Variants in HS6ST3 observed in about 807,000 individuals in gnomAD.
HS6ST3 encodes the protein heparan sulfate 6-O-sulfotransferase 3, also known as heparan-sulfate 6-O-sulfotransferase 3.
A neutral mutation model predicts 36.7 loss-of-function variants in HS6ST3; 12 were observed. The ratio of observed to expected loss-of-function variants is 0.33; its 90% confidence interval spans 0.21 to 0.53. HS6ST3 has a LOEUF of 0.53. HS6ST3 is among the 20% of genes least tolerant of loss of function. The pLI is 0.95. For missense variants in HS6ST3, 584 were observed against 640.9 expected (o/e 0.91, Z 0.96); for synonymous variants, 240 against 257.5 (o/e 0.93, Z 0.65).
chr13:96,114,055 G>A (rs1283564204), intron 1 of HS6ST3, among the ~76,000 whole-genome samples: 3 of 151,986 alleles, frequency 2.0e-5, no homozygotes, highest in Non-Finnish European at 4.4e-5. Flanking sequence ...TATACTTATG[G>A]TCAGGTTCTA....
intron 1 of HS6ST3, among the ~76,000 whole-genome samples, chr13:96,501,257 T>C (rs1173032949): frequency 2.0e-5 from 3 of 152,190 alleles, no homozygotes; most frequent in Non-Finnish European, 2.9e-5. Flanking sequence ...GGGTGTCAAT[T>C]CTTGGAGCAC....
rs545851351 is a variant in HS6ST3, at chr13:96,431,556, A to C, written c.707+339987A>C. Among the ~76,000 whole-genome samples the C allele has an allele frequency of 1.3e-5, 2 of 152,282 alleles. 1 individual carries two copies. Among genetic ancestry groups the C allele is most frequent in the Admixed American group, 1.3e-4 (2 of 15,302 alleles). On this transcript the variant is annotated intron_variant, in intron 1 of 1. Coordinates refer to ENST00000376705, the MANE Select transcript of HS6ST3 (RefSeq NM_153456.4). The stretch of plus-strand genomic sequence containing the variant: ...TTGAGACATTTTTTAGCATCTGTGA[A>C]TTTCATTTTTACATAATGCCATGTG...
At chr13:96,342,128 T>C (rs2055133829) in intron 1 of HS6ST3, among the ~76,000 whole-genome samples, 1 of 152,202 alleles carries the variant, frequency 6.6e-6, no homozygotes, top group Admixed American at 6.5e-5. Flanking sequence ...TAAAGGGATC[T>C]ATGATAAAAA....
chr13:96,440,292 T>A (rs1336346680), intron 1 of HS6ST3, among the ~76,000 whole-genome samples: 2 of 151,860 alleles, frequency 1.3e-5, no homozygotes, highest in Non-Finnish European at 2.9e-5. Flanking sequence ...ACTAAAAATA[T>A]AAAAATTAGC....
intron 1 of HS6ST3, among the ~76,000 whole-genome samples, chr13:96,330,519 C>T (rs1297471421): frequency 6.6e-6 from 1 of 152,012 alleles, no homozygotes; most frequent in Non-Finnish European, 1.5e-5. Context: ...CCCCCACTCT[C>T]TTCTGGCTTG....
At chr13:96,425,498 G>A (rs568575116) in intron 1 of HS6ST3, among the ~76,000 whole-genome samples, 131 of 152,168 alleles carry the variant, frequency 8.6e-4, no homozygotes, top group African/African-American at 1.9e-3. Context: ...GTTTCATGTC[G>A]TTCTTATAAA....
chr13:96,739,219 T>TTGTG (rs3138578), intron 1 of HS6ST3, among the ~76,000 whole-genome samples: 105 of 126,268 alleles, frequency 8.3e-4, no homozygotes, highest in East Asian at 2.1e-3. Context: ...CGACATTTGC[T>TTGTG]TGTGTGTGTG....
intron 1 of HS6ST3, among the ~76,000 whole-genome samples, chr13:96,570,664 G>T (rs1440209906): frequency 6.6e-6 from 1 of 152,194 alleles, no homozygotes; most frequent in Non-Finnish European, 1.5e-5. Flanking sequence ...TATACCCAAT[G>T]GGGGGCAAGA....
chr13:96,218,999 C>G (rs2054441278), intron 1 of HS6ST3, among the ~76,000 whole-genome samples: 1 of 152,096 alleles, frequency 6.6e-6, no homozygotes, highest in South Asian at 2.1e-4. Context: ...TAAGCCATCC[C>G]CTGACAGGGC....
intron 1 of HS6ST3, among the ~76,000 whole-genome samples, chr13:96,282,573 C>T (rs2054780992): frequency 6.6e-6 from 1 of 152,184 alleles, no homozygotes; most frequent in African/African-American, 2.4e-5. Context: ...ATTAAACCTA[C>T]ATCTTTGGCG....
chr13:96,594,068 G>T (rs563594065), intron 1 of HS6ST3, among the ~76,000 whole-genome samples: 1 of 151,950 alleles, frequency 6.6e-6, no homozygotes, highest in Admixed American at 6.6e-5. Flanking sequence ...CGCCTCCTGG[G>T]TTCAAGCAAT....
At chr13:96,345,877 T>C (rs2139428358) in intron 1 of HS6ST3, among the ~76,000 whole-genome samples, 1 of 152,326 alleles carries the variant, frequency 6.6e-6, no homozygotes, top group African/African-American at 2.4e-5. Context: ...TCATAATATC[T>C]TAAGAAAGTT....
intron 1 of HS6ST3, among the ~76,000 whole-genome samples, chr13:96,092,648 T>C (rs1176144090): frequency 1.3e-5 from 2 of 151,954 alleles, no homozygotes; most frequent in Non-Finnish European, 2.9e-5. Flanking sequence ...AAGCTCAAGC[T>C]GATTATGTTG....
At chr13:96,403,286 A>G (rs1395940338) in intron 1 of HS6ST3, among the ~76,000 whole-genome samples, 1 of 152,194 alleles carries the variant, frequency 6.6e-6, no homozygotes, top group Non-Finnish European at 1.5e-5. Flanking sequence ...CAATGAAGTT[A>G]TTTATGTATG....
intron 1 of HS6ST3, among the ~76,000 whole-genome samples, chr13:96,738,430 C>T (rs1876342946): frequency 6.6e-6 from 1 of 151,500 alleles, no homozygotes; most frequent in South Asian, 2.1e-4. Context: ...ATCGATGATG[C>T]TGTTCTGTTT....
intron 1 of HS6ST3, among the ~76,000 whole-genome samples, chr13:96,097,016 C>T (rs1041151154): frequency 3.3e-5 from 5 of 152,060 alleles, no homozygotes; most frequent in African/African-American, 9.7e-5. Flanking sequence ...TGTTCATTAC[C>T]GAGTCTCCTA....
intron 1 of HS6ST3, among the ~76,000 whole-genome samples, chr13:96,413,029 C>T (rs2055515795): frequency 6.6e-6 from 1 of 152,048 alleles, no homozygotes; most frequent in Admixed American, 6.6e-5. Context: ...TCTATCTACT[C>T]CCAAGAGTAA....
At chr13:96,481,007 C>T (rs570671183) in intron 1 of HS6ST3, among the ~76,000 whole-genome samples, 126 of 152,306 alleles carry the variant, frequency 8.3e-4, no homozygotes, top group African/African-American at 2.8e-3. Context: ...ATTGATTAAT[C>T]ACAAAAATAT....
At chr13:96,262,595 A>G (rs917873451) in intron 1 of HS6ST3, among the ~76,000 whole-genome samples, 2 of 152,240 alleles carry the variant, frequency 1.3e-5, no homozygotes, top group East Asian at 1.9e-4. Context: ...TAAGAGTTAC[A>G]TGGTCAGTTT....
Sources: gnomAD v4.1 joint callset for allele counts (sites outside exome capture counted in the v4.1 genomes callset) on GRCh38, gnomAD v4.1.1 for gene constraint, MANE v1.5 for transcripts, NCBI Gene and HGNC (gene_info 2026-07-23, HGNC 2026-07-21) for gene names.